MROH1: variants seen among roughly 807,000 people sequenced by gnomAD.
The protein encoded by MROH1 is maestro heat-like repeat-containing protein family member 1.
MROH1 carries 117 observed loss-of-function variants against 116.5 expected under a neutral mutation model. That is an observed-to-expected ratio of 1.00 (90% CI 0.86 to 1.17). The LOEUF (loss-of-function observed/expected upper bound fraction) is 1.17. Among genes scored for constraint, MROH1 ranks in the 50% most tolerant of loss-of-function variants. The pLI, the probability that MROH1 is intolerant of heterozygous loss-of-function variation, is 0.00. For missense variants in MROH1, 1,873 were observed against 1,338.5 expected, an observed-to-expected ratio of 1.40 and a Z score of -6.23; for synonymous variants, 921 against 583.9, an observed-to-expected ratio of 1.58 and a Z score of -8.32.
intron 14 of MROH1, among the ~76,000 whole-genome samples, chr8:144,238,414 C>A (rs1177422885): frequency 4.6e-5 from 7 of 152,298 alleles, no homozygotes; most frequent in African/African-American, 1.7e-4. Context: ...GGGTGGCGTC[C>A]TGGTGGGAAC....
At chr8:144,258,459 G>A (rs988329452) in intron 35 of MROH1, among the ~76,000 whole-genome samples, 6 of 152,200 alleles carry the variant, frequency 3.9e-5, no homozygotes, top group East Asian at 3.9e-4. Flanking sequence ...GCCCAGCAGC[G>A]TCTGGGTGTC....
intron 4 of MROH1, among the ~76,000 whole-genome samples, 163 bp downstream of exon 4, chr8:144,168,603 AC>A (rs1821607327): frequency 6.6e-6 from 1 of 152,106 alleles, no homozygotes; most frequent in Admixed American, 6.5e-5. Context: ...AGGGTGGGTA[AC>A]CTGCCTTGTC....
intron 12 of MROH1, among the ~76,000 whole-genome samples, chr8:144,212,841 C>T (rs142817041): frequency 0.019 from 2,925 of 151,884 alleles, 85 homozygotes; most frequent in African/African-American, 0.065. Context: ...TCCACCTGCC[C>T]CGGCCTCCCA....
rs180763384 is a variant in MROH1, at chr8:144,186,066, C to T, written c.563-4718C>T. ...GTGGGCTCCGCAGTGGGCTCTCTCC[C>T]AGTCCTCAGGGCTGTGTCACCCCGG... On this transcript the variant is annotated intron_variant, in intron 7 of 43. Transcript: ENST00000326134. Among the ~76,000 whole-genome samples, 19 of 152,018 alleles carry T rather than the reference C, an allele frequency of 1.2e-4. No individual in the cohort carries two copies. The East Asian group carries it at 3.7e-3, about 30-fold the overall frequency.
At position 144,191,850 on chromosome 8, in the gene MROH1, T is replaced by A; in HGVS notation, c.850T>A (p.Ser284Thr). 6.2e-7 allele frequency: 1 copy of A among 1,613,302 alleles called. No homozygotes were observed. Among genetic ancestry groups the A allele is most frequent in the Admixed American group, 1.7e-5 (1 of 59,982 alleles). The change falls in exon 9 of 44, where the codon TCC becomes ACC. Residue 284 changes from serine to threonine, a missense_variant. Coordinates refer to ENST00000326134, the MANE Select transcript of MROH1 (RefSeq NM_032450.3). Reference protein sequence around the residue: ...YKKHAETFYLSKSLGQILEAA... With the variant: ...YKKHAETFYLTKSLGQILEAA... ...GAAGCACGCAGAGACCTTCTACTTGTCCAAGGTATCTGCAGGCAGGGCAGG... is the reference window on the plus strand; with the variant it reads ...GAAGCACGCAGAGACCTTCTACTTGACCAAGGTATCTGCAGGCAGGGCAGG...
chr8:144,244,552 G>T lies in MROH1; in HGVS notation c.2766+13G>T, dbSNP rs2133005699. The T allele has an allele frequency of 2.7e-6, 2 of 745,262 alleles. No homozygotes were observed. The highest frequency in any genetic ancestry group is 5.0e-6 in the Non-Finnish European group (2 of 399,936). 46.2% of individuals were successfully genotyped at this position (745,262 alleles called of 1,614,324 possible). A position where few individuals can be genotyped will look rare whatever the true frequency, so the allele number is the denominator to read the frequency against. ...GATCATGATTGAGGTGTGCAGGGGG[G>T]AACTGTCATGGGGATGGGGATGGGG... On this transcript the variant is annotated intron_variant, in intron 28 of 43. Coordinates refer to ENST00000326134, the MANE Select transcript of MROH1 (RefSeq NM_032450.3).
rs1037657894 is a variant in MROH1, at chr8:144,248,978, C to T, written c.3222C>T (p.Thr1074=). ...AAAAGAACTGCTCCCGAGCAGCTAC[C>T]GTCATGATCAACTGCCTGCTGCAGG... ...DPEKNCSRAA[T]VMINCLLQER... The change falls in exon 32 of 44, where the codon ACC becomes ACT. Residue 1074 remains threonine, a synonymous_variant. Coordinates refer to ENST00000326134, the MANE Select transcript of MROH1 (RefSeq NM_032450.3). 4.8e-5 allele frequency: 35 copies of T among 735,214 alleles called. No individual in the cohort carries two copies. Among genetic ancestry groups the T allele is most frequent in the African/African-American group, 3.7e-4 (21 of 57,476 alleles). 45.5% of individuals were successfully genotyped at this position (735,214 alleles called of 1,614,324 possible). A position where few individuals can be genotyped will look rare whatever the true frequency, so the allele number is the denominator to read the frequency against.
chr8:144,149,458 G>C (rs1473689819), intron 1 of MROH1, among the ~76,000 whole-genome samples: 1 of 152,172 alleles, frequency 6.6e-6, no homozygotes, highest in Non-Finnish European at 1.5e-5. Flanking sequence ...CAGGGGGTCA[G>C]AGGTGGAGGC....
At position 144,243,889 on chromosome 8, in the gene MROH1, C is replaced by G. The variant is rs1488495568; in HGVS notation, c.2502C>G (p.Asp834Glu). The change falls in exon 26 of 44, where the codon GAC (aspartate) becomes GAG (glutamate). Residue 834 changes from aspartate to glutamate, a missense_variant. Physicochemically the swap from Asp to Glu is conservative, Grantham distance 45. Coordinates refer to ENST00000326134, the MANE Select transcript of MROH1 (RefSeq NM_032450.3). ...MMEFIRAEPP[D>E]SLRTPIRKKA... ...AGTTCATCAGGGCAGAGCCCCCGGA[C>G]TCCTTGAGGACACCTATTCGGAAGA... is the stretch of plus-strand genomic sequence containing the variant. 7.7e-6 allele frequency: 6 copies of G among 780,342 alleles called. No individual in the cohort carries two copies. The highest frequency in any genetic ancestry group is 1.2e-5 in the Non-Finnish European group (5 of 417,742). The allele number at this position is 780,342 out of a possible 1,614,324, so 48.3% of individuals were successfully genotyped here. A position where few individuals can be genotyped will look rare whatever the true frequency, so the allele number is the denominator to read the frequency against.
chr8:144,228,170 AGCTGCAGTGAGCTG>A (rs1838168086), intron 14 of MROH1, among the ~76,000 whole-genome samples: 1 of 150,092 alleles, frequency 6.7e-6, no homozygotes, highest in Non-Finnish European at 1.5e-5. Flanking sequence ...AGGAGGCTGA[AGCTGCAGTGAGCTG>A]TGATCACACT....
At chr8:144,150,046 G>A (rs1816346799) in intron 1 of MROH1, among the ~76,000 whole-genome samples, 1 of 152,114 alleles carries the variant, frequency 6.6e-6, no homozygotes, top group Non-Finnish European at 1.5e-5. Context: ...CTGCAGGCTG[G>A]CTCACCACTG....
At chr8:144,252,848 C>T (rs1042326478) in intron 33 of MROH1, among the ~76,000 whole-genome samples, 18 of 151,416 alleles carry the variant, frequency 1.2e-4, no homozygotes, top group East Asian at 5.8e-4. Flanking sequence ...CACAGCTACT[C>T]GGGAGGCTGA....
intron 12 of MROH1, among the ~76,000 whole-genome samples, chr8:144,209,969 A>T (rs1833736338): frequency 1.3e-5 from 2 of 151,614 alleles, no homozygotes; most frequent in Admixed American, 1.3e-4. Flanking sequence ...GACTTATTAC[A>T]TATCATTCTA....
At chr8:144,257,735 G>A (rs1844162062) in intron 35 of MROH1, among the ~76,000 whole-genome samples, 2 of 152,230 alleles carry the variant, frequency 1.3e-5, no homozygotes, top group African/African-American at 4.8e-5. Context: ...CACCTGGCAG[G>A]AGGTGACCAG....
intron 12 of MROH1, chr8:144,214,519 T>C (rs574629689): frequency 2.0e-5 from 3 of 152,306 alleles, no homozygotes; most frequent in Admixed American, 1.3e-4. Flanking sequence ...TGAAATGTTA[T>C]CGGTGACCGT....
At chr8:144,170,812 C>T (rs1229619887) in intron 4 of MROH1, among the ~76,000 whole-genome samples, 1 of 152,214 alleles carries the variant, frequency 6.6e-6, no homozygotes, top group South Asian at 2.1e-4. Context: ...TTAGACACAT[C>T]CAGTCTTGTA....
rs1843432575 is a variant in MROH1, at chr8:144,254,951, C to A, written c.3567C>A (p.Asp1189Glu). The A allele has an allele frequency of 5.2e-6, 4 of 772,900 alleles. No homozygotes were observed. The African/African-American group carries it at 6.8e-5, about 13-fold the overall frequency. 47.9% of individuals were successfully genotyped at this position (772,900 alleles called of 1,614,324 possible). Reference protein sequence around the residue: ...SRAFLLGRTPDRVATLLPLSA... With the variant: ...SRAFLLGRTPERVATLLPLSA... The stretch of plus-strand genomic sequence containing the variant: ...CCTTCCTGCTGGGCCGCACCCCAGA[C>A]CGCGTGGCCACGCTGCTGCCTCTCT... The change falls in exon 34 of 44, where the codon GAC (aspartate) becomes GAA (glutamate). Residue 1189 changes from aspartate (D) to glutamate (E), a missense_variant. Asp to Glu is a conservative substitution (Grantham distance 45). Coordinates refer to ENST00000326134, the MANE Select transcript of MROH1 (RefSeq NM_032450.3).
intron 12 of MROH1, among the ~76,000 whole-genome samples, chr8:144,215,733 C>T (rs780096135): frequency 8.6e-5 from 13 of 151,708 alleles, no homozygotes; most frequent in African/African-American, 1.2e-4. Context: ...ATTAGCCGGG[C>T]GTGGTGGCGG....
intron 33 of MROH1, chr8:144,254,585 C>T (rs1186834176): frequency 1.8e-6 from 1 of 558,786 alleles, no homozygotes; most frequent in East Asian, 3.0e-5. Context: ...TGTATAGGCC[C>T]AGATTTTTCT....
Sources: gnomAD v4.1 joint callset for allele counts (sites outside exome capture counted in the v4.1 genomes callset) on GRCh38, gnomAD v4.1.1 for gene constraint, MANE v1.5 for transcripts, NCBI Gene and HGNC (gene_info 2026-07-23, HGNC 2026-07-21) for gene names.